POU2F2: variants seen among roughly 807,000 people sequenced by gnomAD.
POU2F2 encodes POU class 2 homeobox 2.
Under a neutral mutation model 63.5 loss-of-function variants are expected in POU2F2, and 14 were observed. The ratio of observed to expected loss-of-function variants is 0.22; its 90% confidence interval spans 0.15 to 0.34. The LOEUF (loss-of-function observed/expected upper bound fraction) is 0.34, where lower values mean the gene tolerates loss of function less well. Ranked by LOEUF, POU2F2 falls within the 10% of genes least tolerant of loss-of-function variation. The pLI is 1.00. For synonymous variants in POU2F2, 306 were observed against 348.6 expected (o/e 0.88, Z 1.36); for missense variants, 607 against 815.2 (o/e 0.74, Z 3.11).
intron 5 of POU2F2, among the ~76,000 whole-genome samples, chr19:42,111,763 C>A (rs930017261): frequency 4.6e-5 from 7 of 152,180 alleles, no homozygotes; most frequent in Non-Finnish European, 8.8e-5. Context: ...CATCTGTATG[C>A]CTTCAAGGAC....
chr19:42,193,214 T>G, intron 1 of POU2F2, among the ~76,000 whole-genome samples: 1 of 122,736 alleles, frequency 8.1e-6, no homozygotes, highest in South Asian at 2.7e-4. Flanking sequence ...CGAGACTCCG[T>G]CTCAAAAAAA....
chr19:42,168,527 C>T (rs1236700838), intron 1 of POU2F2, among the ~76,000 whole-genome samples: 1 of 152,196 alleles, frequency 6.6e-6, no homozygotes, highest in East Asian at 1.9e-4. Context: ...TTCTTCTCTG[C>T]ACCTTATCAC....
At chr19:42,179,703 C>T (rs573106448), upstream of POU2F2, among the ~76,000 whole-genome samples, 6 of 138,986 alleles carry the variant, frequency 4.3e-5, no homozygotes, top group Non-Finnish European at 6.4e-5. Flanking sequence ...CAACTGCCCA[C>T]GTGTATGGAG....
rs1244013761 is a variant in POU2F2 at position 42,162,707 on chromosome 19, G to A, written c.-69-2315C>T. ...TTGCCATGTACATGGCAGACTGTGA[G>A]CTCCTTGAGGGCAAGGCAGGGCCTG... On this transcript the variant is annotated intron_variant, in intron 1 of 6. Coordinates refer to the POU2F2 transcript ENST00000524801. The surrounding 1 kb of genome is among the most constrained non-coding windows in gnomAD (Gnocchi z 4.1). Among the ~76,000 whole-genome samples the A allele has an allele frequency of 6.6e-6, 1 of 152,144 alleles. No individual in the cohort carries two copies. Among genetic ancestry groups the A allele is most frequent in the Non-Finnish European group, 1.5e-5 (1 of 68,002 alleles).
chr19:42,099,798 G>T lies in POU2F2; in HGVS notation c.393C>A (p.Leu131=). The change falls in exon 6 of 15, where the codon CTC becomes CTA. Residue 131 remains leucine, a synonymous_variant. Coordinates refer to ENST00000692977, the MANE Select transcript of POU2F2 (RefSeq NM_001394376.1). ...LAGDIQQLLQ[L]QQLVLVPGHH... ...GGCCTGGCACAAGCACCAGCTGCTG[G>T]AGCTGGAGGAGCTGCTGTATGTCCT... is the stretch of plus-strand genomic sequence containing the variant. The T allele has an allele frequency of 6.4e-7, 1 of 1,572,266 alleles. No homozygotes were observed. Among genetic ancestry groups the T allele is most frequent in the Admixed American group, 1.8e-5 (1 of 54,226 alleles).
chr19:42,150,823 A>G (rs549699228), intron 2 of POU2F2, among the ~76,000 whole-genome samples: 33 of 151,610 alleles, frequency 2.2e-4, no homozygotes, highest in African/African-American at 7.5e-4. Context: ...GGGTGGGGGC[A>G]TCTGCCTGGG....
Position 42,153,046 on chromosome 19 carries a change from G to A in POU2F2, c.-9+7286C>T, listed in dbSNP as rs778132469. Among the ~76,000 whole-genome samples the A allele has an allele frequency of 1.3e-5, 2 of 152,192 alleles. No individual in the cohort carries two copies. The highest frequency in any genetic ancestry group is 2.4e-5 in the African/African-American group (1 of 41,442). ...CACCCCCAGAGCTGCTGGCTGCCCCGCCTTTGGGTCCCTGCGGGTAGAAGT... is the reference window on the plus strand; with the variant it reads ...CACCCCCAGAGCTGCTGGCTGCCCCACCTTTGGGTCCCTGCGGGTAGAAGT... On this transcript the variant is annotated intron_variant, in intron 2 of 6. Transcript: ENST00000524801. The surrounding 1 kb of genome is among the most constrained non-coding windows in gnomAD (Gnocchi z 5.6).
intron 5 of POU2F2, among the ~76,000 whole-genome samples, chr19:42,100,297 G>A (rs2077087382): frequency 1.3e-5 from 2 of 151,396 alleles, no homozygotes; most frequent in Non-Finnish European, 2.9e-5. Context: ...CACCATGATA[G>A]CCAGGATGGT....
At chr19:42,165,203 T>C (rs1218746379) in intron 1 of POU2F2, among the ~76,000 whole-genome samples, 1 of 152,204 alleles carries the variant, frequency 6.6e-6, no homozygotes, top group Admixed American at 6.5e-5. Context: ...TCTTCCCTTA[T>C]GTCCAAACCC....
chr19:42,146,314 C>T (rs79839939), intron 2 of POU2F2, among the ~76,000 whole-genome samples: 14,570 of 152,260 alleles, frequency 0.096, 906 homozygotes, highest in Middle Eastern at 0.2. Context: ...TCCCTCAAAC[C>T]CTTGCCCACC....
intron 2 of POU2F2, among the ~76,000 whole-genome samples, chr19:42,141,473 C>CTTTT (rs58221767): frequency 2.2e-4 from 22 of 98,962 alleles, no homozygotes; most frequent in Non-Finnish European, 2.9e-4. Flanking sequence ...CTTAATTAAT[C>CTTTT]TTTTTTTTTT....
intron 5 of POU2F2, chr19:42,116,939 C>T (rs558280031): frequency 5.5e-5 from 31 of 568,478 alleles, no homozygotes; most frequent in African/African-American, 3.9e-4. Flanking sequence ...TGCACGGCGG[C>T]GGCCAGGAGC....
At position 42,095,259 on chromosome 19, in the gene POU2F2, C is replaced by T; in HGVS notation, c.1197+27G>A. On this transcript the variant is annotated intron_variant, in intron 11 of 14. Transcript: ENST00000692977. The surrounding 1 kb of genome is among the most constrained non-coding windows in gnomAD (Gnocchi z 7.1). Reference sequence around the variant, plus strand: ...GGTGCCTGCGGAGCTCTGTGGTCTCCCCACCCCCCAGGCGGGCTCTTGGTA... The same window carrying T: ...GGTGCCTGCGGAGCTCTGTGGTCTCTCCACCCCCCAGGCGGGCTCTTGGTA... The T allele has an allele frequency of 6.2e-7, 1 of 1,600,724 alleles. No homozygotes were observed. The highest frequency in any genetic ancestry group is 8.5e-7 in the Non-Finnish European group (1 of 1,175,172).
At chr19:42,099,402 T>C (rs2077042560) in intron 7 of POU2F2, 125 bp downstream of exon 7, 2 of 842,750 alleles carry the variant, frequency 2.4e-6, no homozygotes, top group Non-Finnish European at 3.8e-6. Context: ...TCACAGCAAA[T>C]CACTGGCAGA....
rs770726545 is a variant in POU2F2 at position 42,162,813 on chromosome 19, C to T, written c.-69-2421G>A. 7.2e-5 allele frequency among the ~76,000 whole-genome samples: 11 copies of T among 152,234 alleles called. No homozygotes were observed. The highest frequency in any genetic ancestry group is 2.1e-4 in the South Asian group (1 of 4,822). On this transcript the variant is annotated intron_variant, in intron 1 of 6. Coordinates refer to the POU2F2 transcript ENST00000524801. The surrounding 1 kb of genome is among the most constrained non-coding windows in gnomAD (Gnocchi z 4.1). ...CTTGGGACAGGCCTAAGAATGATGA[C>T]GCCACTTGCCCCCACAGACACAGAA...
chr19:42,193,699 A>G (rs989980608), intron 1 of POU2F2, among the ~76,000 whole-genome samples: 5 of 152,258 alleles, frequency 3.3e-5, no homozygotes, highest in Non-Finnish European at 7.3e-5. Context: ...GTTACAAGAA[A>G]CAGTATAGAC....
At chr19:42,196,480 T>C (rs1156699130) in exon 1 of POU2F2, 3 of 152,318 alleles carry the variant, frequency 2.0e-5, no homozygotes, top group African/African-American at 7.2e-5. Context: ...CTGCCCAGAA[T>C]ACCCCGTCAC....
At position 42,095,983 on chromosome 19, in the gene POU2F2, T is replaced by A; in HGVS notation, c.730-54A>T. 1 of 1,591,240 alleles carries A rather than the reference T, an allele frequency of 6.3e-7. No individual in the cohort carries two copies. Among genetic ancestry groups the A allele is most frequent in the South Asian group, 1.1e-5 (1 of 89,674 alleles). On this transcript the variant is annotated intron_variant, in intron 8 of 14. Coordinates refer to ENST00000692977, the MANE Select transcript of POU2F2 (RefSeq NM_001394376.1). This position sits in a 1 kb window ranked among gnomAD's most constrained non-coding sequence, Gnocchi z 7.1. ...AAGTCAGGGTGGGGCCTTCCGGCAC[T>A]GGGCCCGCTCCGCCCGCCCACTGGC...
intron 1 of POU2F2, 30 bp from the exon 2 acceptor site, chr19:42,122,606 TGAA>T (rs760781000): frequency 1.3e-6 from 2 of 1,514,658 alleles, no homozygotes; most frequent in Middle Eastern, 2.0e-4. Flanking sequence ...GGAAGTGGGG[TGAA>T]GGAGGGGAAT....
Sources: allele counts gnomAD v4.1 joint callset (sites outside exome capture counted in the v4.1 genomes callset), GRCh38; gene constraint gnomAD v4.1.1; non-coding constraint Gnocchi (gnomAD v3.1); transcripts MANE v1.5; gene names NCBI Gene and HGNC (gene_info 2026-07-23, HGNC 2026-07-21).